The following USO1 variants were observed in gnomAD, a reference collection of about 807,000 sequenced individuals.
USO1 encodes the protein general vesicular transport factor p115.
Under a neutral mutation model 124.5 loss-of-function variants are expected in USO1, and 57 were observed. The ratio of observed to expected loss-of-function variants is 0.46; its 90% confidence interval spans 0.37 to 0.57. The LOEUF (loss-of-function observed/expected upper bound fraction) is 0.57, where lower values mean the gene tolerates loss of function less well. USO1 is among the 20% of genes least tolerant of loss of function. USO1 has a pLI of 0.00. For synonymous variants in USO1, 369 were observed against 362.8 expected, an observed-to-expected ratio of 1.02 and a Z score of -0.19; for missense variants, 900 against 1,040.6, an observed-to-expected ratio of 0.86 and a Z score of 1.86.
intron 1 of USO1, among the ~76,000 whole-genome samples, chr4:75,741,309 T>C (rs1330534855): frequency 6.6e-6 from 1 of 152,186 alleles, no homozygotes; most frequent in Non-Finnish European, 1.5e-5. Context: ...CAGAAGTTGC[T>C]CTGGATGAGT....
intron 19 of USO1, among the ~76,000 whole-genome samples, chr4:75,806,223 C>T (rs925729136): frequency 1.3e-5 from 2 of 152,124 alleles, no homozygotes; most frequent in African/African-American, 2.4e-5. Flanking sequence ...CATTCCTGAG[C>T]TCAAGCAATC....
intron 1 of USO1, among the ~76,000 whole-genome samples, chr4:75,743,706 C>T (rs1254319256): frequency 6.6e-6 from 1 of 152,140 alleles, no homozygotes; most frequent in East Asian, 1.9e-4. Flanking sequence ...TTTCAAATTT[C>T]ATCATAGGCC....
chr4:75,790,303 C>T (rs186000162), intron 11 of USO1, 65 bp downstream of exon 11: 173 of 1,519,874 alleles, frequency 1.1e-4, no homozygotes, highest in Non-Finnish European at 1.5e-4. Context: ...TAATGTATCT[C>T]ATATACACAT....
In USO1 at chr4:75,801,203, A is replaced by G. The variant is rs757172533; in HGVS notation, c.1986+3A>G. On this transcript the variant is annotated splice_donor_region_variant and intron_variant, in intron 17 of 23. Coordinates refer to ENST00000514213, the MANE Select transcript of USO1 (RefSeq NM_003715.4). ...ACAAAAATATGATTCGAGAGCAGGT[A>G]AGTACTAATGAACTGTATATACCCT... 1.9e-6 allele frequency: 3 copies of G among 1,603,072 alleles called. No homozygotes were observed. The highest frequency in any genetic ancestry group is 2.6e-6 in the Non-Finnish European group (3 of 1,176,184).
At position 75,805,272 on chromosome 4, in the gene USO1, T is replaced by G; in HGVS notation, c.2258T>G (p.Leu753Arg). The G allele has an allele frequency of 6.2e-7, 1 of 1,610,556 alleles. No homozygotes were observed. Among genetic ancestry groups the G allele is most frequent in the Non-Finnish European group, 8.5e-7 (1 of 1,178,548 alleles). Residue 753 changes from leucine to arginine, a missense_variant, in exon 19 of 24, where the codon CTG (leucine) becomes CGG (arginine). Leu to Arg is a moderately radical substitution (Grantham distance 102). Around this residue, in one of 2 missense-constraint regions of USO1, gnomAD observed 362 missense variants for 359.0 expected, o/e 1.01. Transcript: ENST00000514213. ...AATCAGGAACTTTTACAAAGCCAGC[T>G]GACTGAAAAGGACTCTATGATTGAA... Reference protein sequence around the residue: ...KRNQELLQSQLTEKDSMIENM... With the variant: ...KRNQELLQSQRTEKDSMIENM...
At chr4:75,794,677 A>T (rs1353673260) in intron 13 of USO1, among the ~76,000 whole-genome samples, 1 of 152,210 alleles carries the variant, frequency 6.6e-6, no homozygotes, top group Non-Finnish European at 1.5e-5. Context: ...AGCAGTAGTT[A>T]TCCTACCCAC....
intron 20 of USO1, 42 bp downstream of exon 20, chr4:75,806,614 A>G: frequency 6.5e-7 from 1 of 1,542,930 alleles, no homozygotes; most frequent in South Asian, 1.2e-5. Context: ...GTCATGTTTT[A>G]ATTATAATAG....
At chr4:75,810,155 A>G (rs541659685) in intron 21 of USO1, among the ~76,000 whole-genome samples, 4 of 152,218 alleles carry the variant, frequency 2.6e-5, no homozygotes, top group Non-Finnish European at 5.9e-5. Context: ...TTACAGTTAC[A>G]TTAGAGCTGC....
At chr4:75,750,810 C>T (rs1721279635) in intron 1 of USO1, among the ~76,000 whole-genome samples, 1 of 152,198 alleles carries the variant, frequency 6.6e-6, no homozygotes, top group African/African-American at 2.4e-5. Flanking sequence ...AATGTGGCAT[C>T]TGAGAAGTCT....
intron 20 of USO1, among the ~76,000 whole-genome samples, chr4:75,807,028 C>G (rs1411488437): frequency 6.6e-6 from 1 of 151,990 alleles, no homozygotes; most frequent in African/African-American, 2.4e-5. Flanking sequence ...ATGACTCCAG[C>G]TAAAAAGCAA....
chr4:75,783,760 C>A (rs1420101030), intron 9 of USO1, among the ~76,000 whole-genome samples: 2 of 152,154 alleles, frequency 1.3e-5, no homozygotes, highest in Non-Finnish European at 2.9e-5. Context: ...TTTGTAATTA[C>A]TAATAGCATC....
At chr4:75,768,778 A>C (rs2149166163) in intron 4 of USO1, among the ~76,000 whole-genome samples, 1 of 152,214 alleles carries the variant, frequency 6.6e-6, no homozygotes, top group Non-Finnish European at 1.5e-5. Context: ...TTGTAGTTGC[A>C]CTTTGTCATC....
intron 8 of USO1, among the ~76,000 whole-genome samples, chr4:75,781,090 A>G (rs887475766): frequency 1.3e-5 from 2 of 152,170 alleles, no homozygotes; most frequent in Admixed American, 6.6e-5. Flanking sequence ...CATTAAGAAC[A>G]TTTGTAATTC....
At chr4:75,770,289 C>T in intron 4 of USO1, 150 bp from the exon 5 acceptor site, 1 of 559,082 alleles carries the variant, frequency 1.8e-6, no homozygotes, top group Non-Finnish European at 2.8e-6. Context: ...TATAGCTTTA[C>T]ATAATAATTG....
At chr4:75,726,567 CAAA>C (rs34164088) in intron 1 of USO1, among the ~76,000 whole-genome samples, 4 of 143,090 alleles carry the variant, frequency 2.8e-5, no homozygotes, top group Non-Finnish European at 4.6e-5. Context: ...GACTCCATCT[CAAA>C]AAAAAAAAAA....
At chr4:75,755,979 G>A (rs1158732703) in intron 3 of USO1, among the ~76,000 whole-genome samples, 1 of 151,958 alleles carries the variant, frequency 6.6e-6, no homozygotes, top group Non-Finnish European at 1.5e-5. Flanking sequence ...GACCATCCTG[G>A]CTAACACGGT....
intron 7 of USO1, among the ~76,000 whole-genome samples, chr4:75,773,268 G>GT (rs760680180): frequency 1.3e-5 from 2 of 151,912 alleles, no homozygotes; most frequent in Non-Finnish European, 2.9e-5. Context: ...ATTAAGTTCT[G>GT]TTTTTGTTGT....
chr4:75,728,041 T>G (rs944068035), intron 1 of USO1, among the ~76,000 whole-genome samples: 1 of 152,168 alleles, frequency 6.6e-6, no homozygotes, highest in African/African-American at 2.4e-5. Context: ...GTGAAATGAA[T>G]TAATTATAGT....
At chr4:75,736,434 C>T (rs1720794521) in intron 1 of USO1, among the ~76,000 whole-genome samples, 1 of 150,924 alleles carries the variant, frequency 6.6e-6, no homozygotes, top group Admixed American at 6.6e-5. Context: ...TCTCTGCCTC[C>T]ACCTCCCGAG....
Sources: gnomAD v4.1 joint callset for allele counts (sites outside exome capture counted in the v4.1 genomes callset) on GRCh38, gnomAD v4.1.1 for gene constraint, gnomAD v4.1.1 regional missense constraint, MANE v1.5 for transcripts, NCBI Gene and HGNC (gene_info 2026-07-23, HGNC 2026-07-21) for gene names.